The following TENM2 variants were observed in gnomAD, a reference collection of about 807,000 sequenced individuals.
TENM2 encodes the protein teneurin-2.
Under a neutral mutation model 245.2 loss-of-function variants are expected in TENM2, and 52 were observed. The ratio of observed to expected loss-of-function variants is 0.21; its 90% CI spans 0.17 to 0.27. TENM2 has a LOEUF of 0.27. Among genes scored for constraint, TENM2 ranks in the 10% least tolerant of loss-of-function variants. The pLI is 1.00. For synonymous variants in TENM2, 1,363 were observed against 1,438.9 expected (o/e 0.95, Z 1.19); for missense variants, 3,046 against 3,666.8 (o/e 0.83, Z 4.37).
chr5:167,969,368 T>C (rs1482429256), intron 4 of TENM2, among the ~76,000 whole-genome samples: 1 of 152,210 alleles, frequency 6.6e-6, no homozygotes, highest in East Asian at 1.9e-4. Flanking sequence ...CTGTCATCCA[T>C]GTGAGACGTG....
At chr5:167,697,447 A>G (rs1285780376) in intron 2 of TENM2, among the ~76,000 whole-genome samples, 1 of 152,238 alleles carries the variant, frequency 6.6e-6, no homozygotes, top group Admixed American at 6.5e-5. Flanking sequence ...AAGCCATGCT[A>G]ATTTGTTCAC....
the TENM2 span, among the ~76,000 whole-genome samples, chr5:167,210,016 G>C: frequency 6.6e-6 from 1 of 152,204 alleles, no homozygotes; most frequent in Non-Finnish European, 1.5e-5. Flanking sequence ...ATTCCATCCT[G>C]TGAACAGTAC....
intron 27 of TENM2, among the ~76,000 whole-genome samples, chr5:168,257,856 C>T (rs976097647): frequency 4.6e-5 from 7 of 152,092 alleles, no homozygotes; most frequent in Admixed American, 1.3e-4. Flanking sequence ...CCTGGTGATC[C>T]GCCTGCCTTG....
rs139646349 is a variant in TENM2 at position 167,982,173 on chromosome 5, T to A, written c.948-10771T>A. 1.3e-3 allele frequency among the ~76,000 whole-genome samples: 202 copies of A among 152,244 alleles called. 1 individual carries two copies. Among genetic ancestry groups the A allele is most frequent in the African/African-American group, 4.3e-3 (179 of 41,550 alleles). ...TCCTGCTGCCTGGGATGCTCTTTTT[T>A]ACCATTCTTCATATGGTCAGTTACT... On this transcript the variant is annotated intron_variant, in intron 4 of 28. Coordinates refer to ENST00000518659, the Ensembl canonical transcript of TENM2.
At chr5:167,879,552 A>T (rs972086702) in intron 3 of TENM2, among the ~76,000 whole-genome samples, 1 of 152,224 alleles carries the variant, frequency 6.6e-6, no homozygotes, top group Admixed American at 6.5e-5. Flanking sequence ...GAAGAATGAG[A>T]CTACCTTCCA....
intron 24 of TENM2, among the ~76,000 whole-genome samples, chr5:168,227,124 G>C (rs879306629): frequency 5.3e-5 from 8 of 152,196 alleles, no homozygotes; most frequent in Admixed American, 1.3e-4. Flanking sequence ...GCCCAGGCCA[G>C]CTCCTTTGCC....
intron 2 of TENM2, among the ~76,000 whole-genome samples, chr5:167,479,663 A>G (rs563304707): frequency 7.9e-5 from 12 of 152,278 alleles, no homozygotes; most frequent in South Asian, 2.1e-4. Flanking sequence ...TCACTTTTCA[A>G]TGTTTTCATA....
At chr5:168,185,650 A>T (rs1253490839) in intron 13 of TENM2, among the ~76,000 whole-genome samples, 5 of 20,250 alleles carry the variant, frequency 2.5e-4, no homozygotes, top group South Asian at 1.3e-3. Flanking sequence ...CTTTAAATTA[A>T]AAAAAAAAAT....
chr5:167,586,527 G>C (rs944574984), intron 2 of TENM2, among the ~76,000 whole-genome samples: 5 of 152,182 alleles, frequency 3.3e-5, no homozygotes, highest in Admixed American at 3.3e-4. Flanking sequence ...GATGGTAGCA[G>C]ACTGTTCATT....
At chr5:168,224,306 G>A (rs939327096) in intron 23 of TENM2, among the ~76,000 whole-genome samples, 1 of 152,146 alleles carries the variant, frequency 6.6e-6, no homozygotes, top group Admixed American at 6.5e-5. Context: ...TGATAGCGGT[G>A]GATCCTGAGC....
intron 2 of TENM2, among the ~76,000 whole-genome samples, chr5:167,735,571 C>T (rs760581455): frequency 6.6e-6 from 1 of 152,134 alleles, no homozygotes; most frequent in Non-Finnish European, 1.5e-5. Flanking sequence ...CTTTGGGAGG[C>T]CAAGGCAGGA....
chr5:167,707,881 T>A (rs1366404391), intron 2 of TENM2, among the ~76,000 whole-genome samples: 1 of 152,154 alleles, frequency 6.6e-6, no homozygotes. Flanking sequence ...AGACTCTCCA[T>A]CACTTAGAAG....
At chr5:167,164,286 T>C in the TENM2 span, among the ~76,000 whole-genome samples, 3 of 152,224 alleles carry the variant, frequency 2.0e-5, no homozygotes, top group Admixed American at 6.5e-5. Context: ...TAGTTTTCCC[T>C]TCTAACAAAT....
At chr5:167,224,724 A>G in the TENM2 span, among the ~76,000 whole-genome samples, 4 of 151,746 alleles carry the variant, frequency 2.6e-5, no homozygotes, top group South Asian at 8.3e-4. Flanking sequence ...TTCTGTGAAA[A>G]TTTTTCTGTG....
intron 2 of TENM2, among the ~76,000 whole-genome samples, chr5:167,730,104 A>C (rs186863505): frequency 6.6e-6 from 1 of 152,298 alleles, no homozygotes; most frequent in East Asian, 1.9e-4. Context: ...CCATCTAAAA[A>C]TCCATCGTCT....
At chr5:167,269,411 A>G in the TENM2 span, among the ~76,000 whole-genome samples, 1 of 152,120 alleles carries the variant, frequency 6.6e-6, no homozygotes, top group Non-Finnish European at 1.5e-5. Context: ...ACAGAGCAAA[A>G]TGATCTTGTT....
At chr5:167,724,358 CA>C (rs1759845234) in intron 2 of TENM2, among the ~76,000 whole-genome samples, 1 of 151,456 alleles carries the variant, frequency 6.6e-6, no homozygotes, top group Non-Finnish European at 1.5e-5. Context: ...TGAATCTCTT[CA>C]TGTATAAAAC....
At chr5:167,411,573 A>AGAGTGTGTGTGTGT (rs752919344) in intron 2 of TENM2, among the ~76,000 whole-genome samples, 25 of 145,146 alleles carry the variant, frequency 1.7e-4, no homozygotes, top group African/African-American at 6.2e-4. Flanking sequence ...TGTAGGTGAG[A>AGAGTGTGTGTGTGT]GTGTGTGTGT....
chr5:167,131,030 A>G, the TENM2 span, among the ~76,000 whole-genome samples: 1 of 150,710 alleles, frequency 6.6e-6, no homozygotes, highest in African/African-American at 2.4e-5. Context: ...CATAACTTGA[A>G]CTCTGACCAC....
Sources: allele counts gnomAD v4.1 joint callset (sites outside exome capture counted in the v4.1 genomes callset), GRCh38; gene constraint gnomAD v4.1.1; transcripts MANE v1.5; gene names NCBI Gene and HGNC (gene_info 2026-07-23, HGNC 2026-07-21).